UBE2U: variants seen among roughly 807,000 people sequenced by gnomAD.
The protein encoded by UBE2U is ubiquitin-conjugating enzyme E2 U.
In UBE2U, 39 loss-of-function variants were observed where a neutral mutation model predicts 41.2. The ratio of observed to expected loss-of-function variants is 0.95; its 90% CI spans 0.73 to 1.24. The LOEUF (loss-of-function observed/expected upper bound fraction) is 1.24, where lower values mean the gene tolerates loss of function less well. UBE2U is among the 50% of genes most tolerant of loss of function. UBE2U has a pLI of 0.00. For missense variants in UBE2U, 336 were observed against 363.1 expected (o/e 0.93, Z 0.61); for synonymous variants, 107 against 117.8 (o/e 0.91, Z 0.60).
intron 8 of UBE2U, among the ~76,000 whole-genome samples, chr1:64,258,325 T>G (rs1378623125): frequency 6.6e-6 from 1 of 152,158 alleles, no homozygotes; most frequent in Non-Finnish European, 1.5e-5. Flanking sequence ...ACAAAAACGT[T>G]TCTTTTTTTT....
intron 7 of UBE2U, among the ~76,000 whole-genome samples, chr1:64,239,157 A>AAGAAAAGAAG: frequency 2.4e-4 from 9 of 37,068 alleles, no homozygotes; most frequent in Non-Finnish European, 4.1e-4. Context: ...GAAGAAGAAG[A>AAGAAAAGAAG]AAGAAGAAGA....
intron 6 of UBE2U, among the ~76,000 whole-genome samples, chr1:64,225,781 T>G (rs1652826532): frequency 6.6e-6 from 1 of 152,182 alleles, no homozygotes; most frequent in South Asian, 2.1e-4. Flanking sequence ...TTGAACTGGG[T>G]GGGTTCTGCT....
At chr1:64,258,030 T>G (rs974835227) in intron 8 of UBE2U, among the ~76,000 whole-genome samples, 2 of 152,206 alleles carry the variant, frequency 1.3e-5, no homozygotes, top group African/African-American at 4.8e-5. Flanking sequence ...AAACTGAATG[T>G]TTGCCCTGAA....
At chr1:64,205,896 T>A (rs1013399319) in intron 2 of UBE2U, among the ~76,000 whole-genome samples, 176 bp downstream of exon 2, 6 of 152,236 alleles carry the variant, frequency 3.9e-5, no homozygotes, top group Admixed American at 6.5e-5. Flanking sequence ...CCATTTTTTT[T>A]ATTTATGACT....
intron 6 of UBE2U, among the ~76,000 whole-genome samples, chr1:64,231,882 G>GT (rs1644573040): frequency 1.3e-5 from 2 of 152,178 alleles, no homozygotes; most frequent in South Asian, 4.1e-4. Flanking sequence ...GTAATGTTTT[G>GT]TTTATAGAGT....
intron 8 of UBE2U, among the ~76,000 whole-genome samples, chr1:64,253,922 T>A (rs1377144461): frequency 6.6e-6 from 1 of 152,108 alleles, no homozygotes; most frequent in African/African-American, 2.4e-5. Context: ...AATACTAATC[T>A]TAAATGCAAA....
intron 8 of UBE2U, among the ~76,000 whole-genome samples, chr1:64,253,174 G>A (rs921844196): frequency 2.0e-5 from 3 of 152,138 alleles, no homozygotes; most frequent in African/African-American, 7.2e-5. Flanking sequence ...AGAGCTTGAA[G>A]TCTATCTTTC....
intron 8 of UBE2U, 92 bp downstream of exon 8, chr1:64,241,825 A>C: frequency 1.1e-6 from 1 of 914,994 alleles, no homozygotes; most frequent in Middle Eastern, 2.3e-4. Context: ...AACAGAAGAA[A>C]CCCTTGGAAA....
intron 8 of UBE2U, among the ~76,000 whole-genome samples, chr1:64,255,371 C>T (rs1444617465): frequency 6.6e-6 from 1 of 152,024 alleles, no homozygotes; most frequent in South Asian, 2.1e-4. Flanking sequence ...TCTACTGAAA[C>T]TATTCCAAAA....
Position 64,237,169 on chromosome 1 carries a change from A to G in UBE2U, c.596-4483A>G, listed in dbSNP as rs982236257. 8.5e-5 allele frequency among the ~76,000 whole-genome samples: 13 copies of G among 152,212 alleles called. No homozygotes were observed. The East Asian group carries it at 2.1e-3, about 25-fold the overall frequency. On this transcript the variant is annotated intron_variant, in intron 7 of 9. Coordinates refer to ENST00000371077, the MANE Select transcript of UBE2U (RefSeq NM_001366232.2). ...ATTCTATCCTCCTTTATGTTGCTCT[A>G]TGGTTAGCATGTGTGAAAATAGAAC...
chr1:64,210,974 T>A, intron 4 of UBE2U, 135 bp downstream of exon 4: 1 of 536,592 alleles, frequency 1.9e-6, no homozygotes, highest in Non-Finnish European at 3.0e-6. Context: ...TCCATACTTC[T>A]ATATGAAGGC....
chr1:64,249,074 T>C (rs865837234), intron 8 of UBE2U, among the ~76,000 whole-genome samples: 4 of 152,052 alleles, frequency 2.6e-5, no homozygotes, highest in African/African-American at 7.2e-5. Flanking sequence ...CAGCAACCCA[T>C]TGAAAAATCA....
At position 64,267,077 on chromosome 1, in the gene UBE2U, G is replaced by A. The variant is rs1201837616; in HGVS notation, c.823G>A (p.Glu275Lys). Residue 275 changes from glutamate to lysine, a missense_variant, in exon 10 of 10, where the codon GAA becomes AAA. Physicochemically the swap from Glu to Lys is moderately conservative, Grantham distance 56. Transcript: ENST00000371077. Reference sequence around the variant, plus strand: ...AATAAATAGCATCACAGACATTTATGAAACAGAAGAGGAGGGGTGGAAGAG... The same window carrying A: ...AATAAATAGCATCACAGACATTTATAAAACAGAAGAGGAGGGGTGGAAGAG... ...TAINSITDIY[E>K]TEEEGWKSDT... 1.3e-6 allele frequency: 2 copies of A among 1,550,416 alleles called. No individual in the cohort carries two copies. Among genetic ancestry groups the A allele is most frequent in the South Asian group, 2.4e-5 (2 of 83,972 alleles).
chr1:64,209,947 A>T (rs1651564808), intron 3 of UBE2U, among the ~76,000 whole-genome samples: 1 of 152,216 alleles, frequency 6.6e-6, no homozygotes, highest in Non-Finnish European at 1.5e-5. Flanking sequence ...TGTGACTCGT[A>T]TGATACAATT....
rs780068163 is a variant in UBE2U, at chr1:64,214,891, T to C, written c.416T>C (p.Leu139Pro). The part of the protein sequence containing the change: ...AARILVKDES[L>P]YRTILRLFNR... ...AGAATACTGGTTAAAGATGAATCTC[T>C]GTACAGAACAATTCTAAGACTTTTC... The change falls in exon 5 of 10, where the codon CTG (leucine) becomes CCG (proline). Residue 139 changes from leucine to proline, a missense_variant. Leu to Pro is a moderately conservative substitution (Grantham distance 98, BLOSUM62 -3). Transcript: ENST00000371077. 1.9e-6 allele frequency: 3 copies of C among 1,614,200 alleles called. No individual in the cohort carries two copies. The highest frequency in any genetic ancestry group is 2.5e-6 in the Non-Finnish European group (3 of 1,180,006).
At chr1:64,217,267 A>T (rs906661263) in intron 5 of UBE2U, among the ~76,000 whole-genome samples, 6 of 152,236 alleles carry the variant, frequency 3.9e-5, no homozygotes, top group African/African-American at 1.4e-4. Flanking sequence ...CTTCTTTGAT[A>T]AAAAGCTCTG....
At chr1:64,224,106 C>T (rs766167757) in intron 6 of UBE2U, among the ~76,000 whole-genome samples, 8 of 151,950 alleles carry the variant, frequency 5.3e-5, no homozygotes, top group Non-Finnish European at 1.0e-4. Flanking sequence ...CACCTGTATG[C>T]GAGTGGCTAA....
At chr1:64,262,608 C>T (rs984689356) in intron 9 of UBE2U, among the ~76,000 whole-genome samples, 1 of 152,160 alleles carries the variant, frequency 6.6e-6, no homozygotes, top group Non-Finnish European at 1.5e-5. Context: ...GCCATATGGG[C>T]TCTCCCAGCC....
intron 6 of UBE2U, among the ~76,000 whole-genome samples, chr1:64,224,325 G>C (rs1343867931): frequency 6.6e-6 from 1 of 152,096 alleles, no homozygotes; most frequent in Non-Finnish European, 1.5e-5. Context: ...ATGAGAAATT[G>C]AAAACAGAAT....
Sources: gnomAD v4.1 joint callset for allele counts (sites outside exome capture counted in the v4.1 genomes callset) on GRCh38, gnomAD v4.1.1 for gene constraint, MANE v1.5 for transcripts, NCBI Gene and HGNC (gene_info 2026-07-23, HGNC 2026-07-21) for gene names.